Variants in PLD5 observed in about 807,000 individuals in gnomAD.
PLD5 encodes the protein phospholipase D family member 5.
Under a neutral mutation model 61.1 loss-of-function variants are expected in PLD5, and 36 were observed. The ratio of observed to expected loss-of-function variants is 0.59; its 90% CI spans 0.45 to 0.78. The LOEUF is 0.78. Ranked by LOEUF, PLD5 falls within the 30% of genes least tolerant of loss-of-function variation. The pLI, the probability that PLD5 is intolerant of heterozygous loss-of-function variation, is 0.00. For synonymous variants in PLD5, 243 were observed against 242.8 expected, an observed-to-expected ratio of 1.00 and a Z score of -0.01; for missense variants, 515 against 644.4, an observed-to-expected ratio of 0.80 and a Z score of 2.17.
intron 3 of PLD5, among the ~76,000 whole-genome samples, chr1:242,279,569 G>A (rs1460717876): frequency 6.6e-6 from 1 of 151,228 alleles, no homozygotes; most frequent in African/African-American, 2.4e-5. Context: ...GAGTCTTGCT[G>A]TGTCACCAGG....
chr1:242,492,471 G>A (rs546774335), intron 1 of PLD5, among the ~76,000 whole-genome samples: 1 of 145,050 alleles, frequency 6.9e-6, no homozygotes, highest in Admixed American at 7.0e-5. Flanking sequence ...TCAGTAAGCC[G>A]AGATCACACC....
intron 1 of PLD5, among the ~76,000 whole-genome samples, chr1:242,472,486 A>T (rs1453021475): frequency 6.6e-6 from 1 of 152,204 alleles, no homozygotes; most frequent in Non-Finnish European, 1.5e-5. Flanking sequence ...CTGGGCAAGG[A>T]CTGCTTACAT....
chr1:242,180,559 A>T (rs547509286), intron 5 of PLD5, among the ~76,000 whole-genome samples: 1 of 152,278 alleles, frequency 6.6e-6, no homozygotes, highest in African/African-American at 2.4e-5. Context: ...TATTTTTGCT[A>T]GAGAAAGATG....
intron 5 of PLD5, among the ~76,000 whole-genome samples, chr1:242,171,201 G>T (rs575923086): frequency 1.1e-4 from 16 of 152,296 alleles, no homozygotes; most frequent in African/African-American, 3.6e-4. Flanking sequence ...TCTGCAGAAA[G>T]CCTACAAGCC....
At chr1:242,193,286 T>A (rs951428385) in intron 5 of PLD5, among the ~76,000 whole-genome samples, 6 of 152,162 alleles carry the variant, frequency 3.9e-5, no homozygotes, top group Admixed American at 3.3e-4. Context: ...AAAGTAAAAA[T>A]TTTTCACTGC....
At chr1:242,125,859 A>T (rs1662746022) in intron 5 of PLD5, among the ~76,000 whole-genome samples, 1 of 152,126 alleles carries the variant, frequency 6.6e-6, no homozygotes, top group Non-Finnish European at 1.5e-5. Flanking sequence ...GTTCCTCTGT[A>T]CAGATCTGTC....
chr1:242,395,063 A>ATATATATGAATATATATG (rs1379080762), intron 1 of PLD5, among the ~76,000 whole-genome samples: 5 of 48,044 alleles, frequency 1.0e-4, no homozygotes, highest in African/African-American at 5.3e-4. Context: ...ATATATATGT[A>ATATATATGAATATATATG]TATATATGAA....
Position 242,127,830 on chromosome 1 carries a change from GC to G in PLD5, c.736-3166del, listed in dbSNP as rs553507794. ...TATAAATAAATATAACGAAATCAATGCTATTCAAGCCTAGTAGAGCCAGAGA... is the reference window on the plus strand; with the variant it reads ...TATAAATAAATATAACGAAATCAATGTATTCAAGCCTAGTAGAGCCAGAGA... On this transcript the variant is annotated intron_variant, in intron 5 of 9. Coordinates refer to ENST00000536534, the MANE Select transcript of PLD5 (RefSeq NM_001372062.1). 1.2e-3 allele frequency among the ~76,000 whole-genome samples: 183 copies of G among 152,246 alleles called. 1 individual carries two copies. Among genetic ancestry groups the G allele is most frequent in the African/African-American group, 4.1e-3 (172 of 41,550 alleles).
chr1:242,421,052 C>CACTAGTG (rs1665111724), intron 1 of PLD5, among the ~76,000 whole-genome samples: 1 of 151,500 alleles, frequency 6.6e-6, no homozygotes, highest in African/African-American at 2.4e-5. Flanking sequence ...TGGTGGCACG[C>CACTAGTG]GCCTGTAGTC....
At chr1:242,303,964 C>T (rs1676204656) in intron 2 of PLD5, among the ~76,000 whole-genome samples, 4 of 152,110 alleles carry the variant, frequency 2.6e-5, no homozygotes, top group Admixed American at 2.6e-4. Context: ...TTTTTGCCCA[C>T]CATGGGCTCT....
chr1:242,376,294 C>T (rs1661950422), intron 1 of PLD5, among the ~76,000 whole-genome samples: 1 of 152,164 alleles, frequency 6.6e-6, no homozygotes, highest in Non-Finnish European at 1.5e-5. Flanking sequence ...AACGAGCAAC[C>T]TGCAAGACTG....
At chr1:242,297,081 C>T (rs1338255035) in intron 2 of PLD5, among the ~76,000 whole-genome samples, 1 of 151,996 alleles carries the variant, frequency 6.6e-6, no homozygotes, top group Non-Finnish European at 1.5e-5. Context: ...CATGGTGGCT[C>T]ATGCCTGTAA....
rs190693921 is a variant in PLD5, at chr1:242,194,552, T to G, written c.735+25436A>C. On this transcript the variant is annotated intron_variant, in intron 5 of 9. Transcript: ENST00000536534. ...CCCATCAATCAACAAGTGGATAAAC[T>G]GTGAGCTATCTCTATATCTATCTAT... is the stretch of plus-strand genomic sequence containing the variant. 1.8e-3 allele frequency among the ~76,000 whole-genome samples: 244 copies of G among 138,150 alleles called. 1 individual carries two copies. Among genetic ancestry groups the G allele is most frequent in the Admixed American group, 0.016 (229 of 13,936 alleles). 90.6% of individuals were successfully genotyped at this position (138,150 alleles called of 152,430 possible).
intron 1 of PLD5, among the ~76,000 whole-genome samples, chr1:242,359,524 C>A (rs1213378862): frequency 6.6e-6 from 1 of 152,138 alleles, no homozygotes; most frequent in African/African-American, 2.4e-5. Flanking sequence ...GCTAGTTAAT[C>A]TTTCTGTTGG....
At chr1:242,128,504 A>G (rs962738570) in intron 5 of PLD5, among the ~76,000 whole-genome samples, 4 of 152,176 alleles carry the variant, frequency 2.6e-5, no homozygotes, top group Admixed American at 6.5e-5. Flanking sequence ...GTGTAGAATG[A>G]TATTAAATGA....
At chr1:242,470,977 G>C (rs1355388381) in intron 1 of PLD5, among the ~76,000 whole-genome samples, 1 of 152,174 alleles carries the variant, frequency 6.6e-6, no homozygotes, top group African/African-American at 2.4e-5. Flanking sequence ...CCAGGTCTCT[G>C]GCACGAAAAA....
chr1:242,485,088 C>T (rs1248574189), intron 1 of PLD5, among the ~76,000 whole-genome samples: 3 of 151,918 alleles, frequency 2.0e-5, no homozygotes, highest in South Asian at 2.1e-4. Flanking sequence ...TTATGACAAA[C>T]CCACAGCCAA....
intron 4 of PLD5, among the ~76,000 whole-genome samples, chr1:242,264,256 T>C (rs1445869108): frequency 6.6e-6 from 1 of 152,214 alleles, no homozygotes; most frequent in East Asian, 1.9e-4. Flanking sequence ...TTACAAGTTT[T>C]TCAAAGACAT....
At chr1:242,124,070 T>G (rs564703133) in intron 6 of PLD5, among the ~76,000 whole-genome samples, 1 of 152,256 alleles carries the variant, frequency 6.6e-6, no homozygotes, top group East Asian at 1.9e-4. Flanking sequence ...GAAAAATCAA[T>G]GTAGGGCATT....
Sources: gnomAD v4.1 joint callset for allele counts (sites outside exome capture counted in the v4.1 genomes callset) on GRCh38, gnomAD v4.1.1 for gene constraint, MANE v1.5 for transcripts, NCBI Gene and HGNC (gene_info 2026-07-23, HGNC 2026-07-21) for gene names.